The following SDK1 variants were observed in gnomAD, a reference collection of about 807,000 sequenced individuals.
The protein encoded by SDK1 is protein sidekick-1.
Under a neutral mutation model 245.5 loss-of-function variants are expected in SDK1, and 157 were observed. The observed-to-expected ratio is 0.64, with a 90% CI of 0.56 to 0.73. SDK1 has a LOEUF of 0.73. Ranked by LOEUF, SDK1 falls within the 30% of genes least tolerant of loss-of-function variation. The probability of loss-of-function intolerance (pLI) is 0.00; values close to 1 mark genes in which losing one functional copy is unlikely to be tolerated. For missense variants in SDK1, 3,583 were observed against 3,002.3 expected (o/e 1.19, Z -4.52); for synonymous variants, 1,647 against 1,278.5 (o/e 1.29, Z -6.15).
intron 5 of SDK1, among the ~76,000 whole-genome samples, chr7:3,828,505 T>C (rs1051562435): frequency 1.3e-5 from 2 of 151,910 alleles, no homozygotes; most frequent in African/African-American, 4.8e-5. Flanking sequence ...ATAAAACCTA[T>C]TCATCAAAAT....
chr7:3,680,737 A>G (rs956114740), intron 4 of SDK1, among the ~76,000 whole-genome samples: 13 of 152,316 alleles, frequency 8.5e-5, no homozygotes, highest in African/African-American at 3.1e-4. Flanking sequence ...GCATCTGAGA[A>G]TCCCTAGGTT....
intron 4 of SDK1, among the ~76,000 whole-genome samples, chr7:3,767,790 C>A (rs1450227524): frequency 1.3e-5 from 2 of 151,864 alleles, no homozygotes; most frequent in African/African-American, 4.8e-5. Flanking sequence ...AACAAACAAA[C>A]AAAAAACAAC....
At chr7:4,242,842 C>T (rs1395977196) in intron 43 of SDK1, among the ~76,000 whole-genome samples, 2 of 152,218 alleles carry the variant, frequency 1.3e-5, no homozygotes, top group Non-Finnish European at 2.9e-5. Flanking sequence ...CCGCCCCCGC[C>T]CTCCACTGAA....
chr7:4,204,152 A>G (rs1005296148), intron 35 of SDK1, among the ~76,000 whole-genome samples: 6 of 152,272 alleles, frequency 3.9e-5, no homozygotes, highest in African/African-American at 1.4e-4. Flanking sequence ...GGCCGCGCTC[A>G]ATTTTGCCTT....
At chr7:3,308,873 CT>C (rs892466829) in intron 1 of SDK1, among the ~76,000 whole-genome samples, 2 of 151,988 alleles carry the variant, frequency 1.3e-5, no homozygotes, top group Non-Finnish European at 2.9e-5. Flanking sequence ...GATGAATAGT[CT>C]TTCCAATGAG....
At chr7:3,531,831 C>G (rs185571875) in intron 1 of SDK1, among the ~76,000 whole-genome samples, 9 of 152,252 alleles carry the variant, frequency 5.9e-5, no homozygotes, top group African/African-American at 2.2e-4. Flanking sequence ...ACAAAGAGTT[C>G]ATAAGGAATA....
intron 4 of SDK1, among the ~76,000 whole-genome samples, chr7:3,698,218 T>C (rs1784631699): frequency 6.6e-6 from 1 of 152,136 alleles, no homozygotes; most frequent in Admixed American, 6.5e-5. Context: ...ACTGTGGCCA[T>C]ATTCACAAAC....
chr7:4,085,124 A>G (rs1278042169), intron 22 of SDK1, among the ~76,000 whole-genome samples: 1 of 152,154 alleles, frequency 6.6e-6, no homozygotes, highest in Non-Finnish European at 1.5e-5. Context: ...TAGGACTCCT[A>G]ACTCGATTAT....
intron 14 of SDK1, among the ~76,000 whole-genome samples, chr7:3,997,345 C>T (rs1784757943): frequency 6.6e-6 from 1 of 152,168 alleles, no homozygotes; most frequent in South Asian, 2.1e-4. Flanking sequence ...TGGCTGCTCT[C>T]TGTAGGCAAG....
Position 3,431,361 on chromosome 7 carries a change from T to G in SDK1, c.298+129477T>G, listed in dbSNP as rs568528964. ...AATCACTCTGAAAATGTGGGAGGTT[T>G]TTTTTTTTTTTTTTTTTTTTAAAGC... On this transcript the variant is annotated intron_variant, in intron 1 of 44. Transcript: ENST00000404826. 5.4e-5 allele frequency among the ~76,000 whole-genome samples: 8 copies of G among 149,028 alleles called. No homozygotes were observed. In the South Asian group the frequency reaches 1.5e-3, roughly 27 times the overall value.
chr7:3,946,317 A>G (rs893100889), intron 5 of SDK1, among the ~76,000 whole-genome samples: 7 of 152,058 alleles, frequency 4.6e-5, no homozygotes, highest in African/African-American at 1.7e-4. Flanking sequence ...AGATGGGACC[A>G]CAGGCACAGA....
intron 5 of SDK1, among the ~76,000 whole-genome samples, chr7:3,848,626 A>G (rs1008161403): frequency 6.6e-6 from 1 of 151,986 alleles, no homozygotes; most frequent in Non-Finnish European, 1.5e-5. Context: ...GGAACATAGA[A>G]GACCACCACC....
chr7:3,995,417 C>T (rs951571019), intron 14 of SDK1, among the ~76,000 whole-genome samples: 7 of 151,910 alleles, frequency 4.6e-5, no homozygotes, highest in South Asian at 2.1e-4. Context: ...CCCTTGGGGG[C>T]GCTGTCCTTA....
intron 1 of SDK1, among the ~76,000 whole-genome samples, chr7:3,314,462 C>A (rs1779617263): frequency 6.6e-6 from 1 of 152,156 alleles, no homozygotes; most frequent in Non-Finnish European, 1.5e-5. Context: ...CTGTTCAGAG[C>A]TGAGATAAAG....
intron 4 of SDK1, among the ~76,000 whole-genome samples, chr7:3,763,501 T>G (rs1048820034): frequency 1.3e-5 from 2 of 152,200 alleles, no homozygotes; most frequent in Non-Finnish European, 2.9e-5. Context: ...TCCATCTTAT[T>G]TGATACATTT....
At chr7:3,873,431 G>A (rs1781004856) in intron 5 of SDK1, among the ~76,000 whole-genome samples, 1 of 151,938 alleles carries the variant, frequency 6.6e-6, no homozygotes, top group African/African-American at 2.4e-5. Flanking sequence ...TTTGTGTTTT[G>A]TTTTGTTTTG....
At chr7:3,616,104 T>A (rs1224239448) in intron 1 of SDK1, among the ~76,000 whole-genome samples, 1 of 152,132 alleles carries the variant, frequency 6.6e-6, no homozygotes, top group Admixed American at 6.6e-5. Flanking sequence ...TCCAAGCTGG[T>A]CTTGCACTCG....
At position 4,021,332 on chromosome 7, in the gene SDK1, C is replaced by T. The variant is rs73040469; in HGVS notation, c.2602+3980C>T. 1.6e-4 allele frequency among the ~76,000 whole-genome samples: 24 copies of T among 152,272 alleles called. No individual in the cohort carries two copies. The East Asian group carries it at 1.9e-3, about 12-fold the overall frequency. ...AGTCCTCAGTCAGCACCCAGAGGAA[C>T]GGGCTATGGACACGAGGGTTGTGAT... On this transcript the variant is annotated intron_variant, in intron 17 of 44. Transcript: ENST00000404826.
At chr7:3,522,941 TA>T (rs1402450297) in intron 1 of SDK1, among the ~76,000 whole-genome samples, 1 of 29,670 alleles carries the variant, frequency 3.4e-5, no homozygotes, top group African/African-American at 1.6e-4. Context: ...CAGTAAAGGT[TA>T]GGGGCACTCT....
Sources: allele counts gnomAD v4.1 joint callset (sites outside exome capture counted in the v4.1 genomes callset), GRCh38; gene constraint gnomAD v4.1.1; transcripts MANE v1.5; gene names NCBI Gene and HGNC (gene_info 2026-07-23, HGNC 2026-07-21).